Variants in FBXO3 observed in about 807,000 individuals in gnomAD.
The protein encoded by FBXO3 is F-box only protein 3.
In FBXO3, 17 loss-of-function variants were observed where a neutral mutation model predicts 64.8. That is an observed-to-expected ratio of 0.26 (90% CI 0.18 to 0.39). The LOEUF (loss-of-function observed/expected upper bound fraction) is 0.39, where lower values mean the gene tolerates loss of function less well. FBXO3 is among the 10% of genes least tolerant of loss of function. FBXO3 has a pLI of 1.00. For synonymous variants in FBXO3, 182 were observed against 201.6 expected, an observed-to-expected ratio of 0.90 and a Z score of 0.82; for missense variants, 420 against 589.9, an observed-to-expected ratio of 0.71 and a Z score of 2.98.
At chr11:33,752,371 G>A (rs991387914) in intron 6 of FBXO3, among the ~76,000 whole-genome samples, 1 of 152,128 alleles carries the variant, frequency 6.6e-6, no homozygotes, top group African/African-American at 2.4e-5. Flanking sequence ...ACATCTCAGT[G>A]CCTGGAATGT....
intron 6 of FBXO3, among the ~76,000 whole-genome samples, 196 bp from the exon 7 acceptor site, chr11:33,751,803 C>T (rs1055560512): frequency 2.6e-5 from 4 of 152,058 alleles, no homozygotes; most frequent in African/African-American, 9.7e-5. Flanking sequence ...TGGGATTCTC[C>T]CCCTCTTCAT....
chr11:33,754,491 C>A lies in FBXO3; in HGVS notation c.688G>T (p.Ala230Ser), dbSNP rs746713390. Residue 230 changes from alanine to serine, a missense_variant, in exon 6 of 11, where the codon GCT becomes TCT. Coordinates refer to ENST00000265651, the MANE Select transcript of FBXO3 (RefSeq NM_012175.4). ...EVFYQCPDQM[A>S]RNPAAIDMFI... is the part of the protein sequence containing the mutation. ...ATGTCAATAGCAGCTGGATTTCGAGCCATTTGGTCCTAGGTGAGAAAAAGA... is the reference window on the plus strand; with the variant it reads ...ATGTCAATAGCAGCTGGATTTCGAGACATTTGGTCCTAGGTGAGAAAAAGA... 1.3e-6 allele frequency: 2 copies of A among 1,580,502 alleles called. No homozygotes were observed. Among genetic ancestry groups the A allele is most frequent in the South Asian group, 2.4e-5 (2 of 83,842 alleles).
intron 3 of FBXO3, among the ~76,000 whole-genome samples, chr11:33,767,966 C>T (rs534513942): frequency 5.7e-4 from 87 of 152,278 alleles, no homozygotes; most frequent in Non-Finnish European, 9.0e-4. Context: ...TCAAGCACCT[C>T]GTCATGCAAC....
intron 10 of FBXO3, chr11:33,746,423 A>T: frequency 2.5e-6 from 1 of 403,184 alleles, no homozygotes. Flanking sequence ...AAAATGTGTC[A>T]GCTCTGGATC....
chr11:33,760,440 C>T (rs138125651), intron 3 of FBXO3, among the ~76,000 whole-genome samples: 43 of 151,652 alleles, frequency 2.8e-4, no homozygotes, highest in East Asian at 3.9e-4. Context: ...GCCAGGAGTT[C>T]GAGACCAGCC....
At chr11:33,752,443 CCA>C (rs1854984600) in intron 6 of FBXO3, among the ~76,000 whole-genome samples, 1 of 152,016 alleles carries the variant, frequency 6.6e-6, no homozygotes, top group Non-Finnish European at 1.5e-5. Flanking sequence ...TTCAATTAAC[CCA>C]GTTTCTACAC....
At chr11:33,757,622 C>A in intron 4 of FBXO3, among the ~76,000 whole-genome samples, 1 of 120,244 alleles carries the variant, frequency 8.3e-6, no homozygotes, top group African/African-American at 3.2e-5. Flanking sequence ...AGTTAAATAC[C>A]ACTAGCCTGG....
chr11:33,762,408 C>T (rs930045977), intron 3 of FBXO3, among the ~76,000 whole-genome samples: 2 of 152,108 alleles, frequency 1.3e-5, no homozygotes, highest in African/African-American at 4.8e-5. Context: ...AGAATAAGTC[C>T]TAACAAATTT....
chr11:33,769,854 G>T (rs1312041268), intron 2 of FBXO3, among the ~76,000 whole-genome samples: 13 of 124,104 alleles, frequency 1.0e-4, no homozygotes, highest in African/African-American at 2.8e-4. Context: ...CTCAGGGTGG[G>T]TTTTTTTTTT....
chr11:33,749,865 T>C (rs902543930), intron 8 of FBXO3, among the ~76,000 whole-genome samples: 3 of 152,188 alleles, frequency 2.0e-5, no homozygotes, highest in African/African-American at 7.2e-5. Context: ...ATAGCAAAGG[T>C]TGCATACAGT....
At chr11:33,756,026 T>C in intron 4 of FBXO3, 51 bp from the exon 5 acceptor site, 1 of 1,451,244 alleles carries the variant, frequency 6.9e-7, no homozygotes, top group Non-Finnish European at 9.7e-7. Context: ...GCCAAAGAGC[T>C]GTGCTTCATC....
chr11:33,774,459 T>G lies in FBXO3; in HGVS notation c.39A>C (p.Leu13=). Residue 13 remains leucine (L), a synonymous_variant, in exon 1 of 11, where the codon CTA becomes CTC. Transcript: ENST00000265651. ...GCAGGGGATCGGTGGGCAGCGACTCTAGGGTCAGCGGCGCCGTCTCGGTCT... is the reference window on the plus strand; with the variant it reads ...GCAGGGGATCGGTGGGCAGCGACTCGAGGGTCAGCGGCGCCGTCTCGGTCT... ...AMETETAPLT[L]ESLPTDPLLL... is the part of the protein sequence containing the mutation. 6.3e-7 allele frequency: 1 copy of G among 1,596,000 alleles called. No individual in the cohort carries two copies. Among genetic ancestry groups the G allele is most frequent in the African/African-American group, 1.4e-5 (1 of 73,274 alleles).
intron 10 of FBXO3, chr11:33,746,850 A>G (rs1426394414): frequency 2.1e-6 from 3 of 1,414,968 alleles, no homozygotes; most frequent in Admixed American, 3.0e-5. Context: ...AGCTGATTCT[A>G]CTGGTCTAAT....
chr11:33,758,613 CA>C lies in FBXO3; in HGVS notation c.359-13del. ...CTCTCGAGCACCCTCTATAAAGGCA[CA>C]AAAAAGAGTGAATTGTGAAGAAACA... is the stretch of plus-strand genomic sequence containing the variant. On this transcript the variant is annotated splice_polypyrimidine_tract_variant and intron_variant, in intron 3 of 10. Coordinates refer to ENST00000265651, the MANE Select transcript of FBXO3 (RefSeq NM_012175.4). The C allele has an allele frequency of 2.6e-6, 4 of 1,554,088 alleles. No individual in the cohort carries two copies. The highest frequency in any genetic ancestry group is 1.9e-5 in the Admixed American group (1 of 53,864).
At chr11:33,757,695 G>C (rs200399050) in intron 4 of FBXO3, among the ~76,000 whole-genome samples, 1 of 104,174 alleles carries the variant, frequency 9.6e-6, no homozygotes, top group South Asian at 3.0e-4. Flanking sequence ...TGGGTGGTTT[G>C]CATCTGTAAT....
At chr11:33,753,992 A>G (rs4623876) in intron 6 of FBXO3, 148,678 of 152,524 alleles carry the variant, frequency 0.97, 72,575 homozygotes, top group East Asian at 1. Flanking sequence ...AGGAGTTTAT[A>G]AGGCATAGAG....
At position 33,770,803 on chromosome 11, in the gene FBXO3, G is replaced by C; in HGVS notation, c.132C>G (p.Ser44Arg). 1.9e-6 allele frequency: 3 copies of C among 1,609,648 alleles called. No individual in the cohort carries two copies. Among genetic ancestry groups the C allele is most frequent in the Non-Finnish European group, 2.5e-6 (3 of 1,176,872 alleles). The part of the protein sequence containing the change: ...INCCYVSRRL[S>R]QLSSHDPLWR... Reference sequence around the variant, plus strand: ...ACAGCGGATCATGACTTGATAGCTGGCTAAGTCTTCGACTGACATAACAAC... The same window carrying C: ...ACAGCGGATCATGACTTGATAGCTGCCTAAGTCTTCGACTGACATAACAAC... Residue 44 changes from serine (S) to arginine (R), a missense_variant, in exon 2 of 11, where the codon AGC becomes AGG. Transcript: ENST00000265651.
chr11:33,761,663 A>G lies in FBXO3; in HGVS notation c.359-3062T>C, dbSNP rs539152577. On this transcript the variant is annotated intron_variant, in intron 3 of 10. Transcript: ENST00000265651. ...GTTTCTGTAGGTCAGGAGTCTAGATATGACTCAACTGGATCCTCTGCTCAG... is the reference window on the plus strand; with the variant it reads ...GTTTCTGTAGGTCAGGAGTCTAGATGTGACTCAACTGGATCCTCTGCTCAG... Among the ~76,000 whole-genome samples, 22 of 152,346 alleles carry G rather than the reference A, an allele frequency of 1.4e-4. No individual in the cohort carries two copies. The South Asian group carries it at 3.9e-3, about 27-fold the overall frequency.
At chr11:33,749,679 A>T (rs546174929) in intron 8 of FBXO3, among the ~76,000 whole-genome samples, 50 of 152,048 alleles carry the variant, frequency 3.3e-4, no homozygotes, top group African/African-American at 1.1e-3. Context: ...TTACACTTTG[A>T]CTCTGTTTCC....
Sources: allele counts gnomAD v4.1 joint callset (sites outside exome capture counted in the v4.1 genomes callset), GRCh38; gene constraint gnomAD v4.1.1; transcripts MANE v1.5; gene names NCBI Gene and HGNC (gene_info 2026-07-23, HGNC 2026-07-21).